The following BIRC6 variants were observed in gnomAD, a reference collection of about 807,000 sequenced individuals.
BIRC6 encodes the protein dual E2 ubiquitin-conjugating enzyme/E3 ubiquitin-protein ligase BIRC6.
BIRC6 carries 98 observed loss-of-function variants against 503.3 expected under a neutral mutation model. The ratio of observed to expected loss-of-function variants is 0.19; its 90% CI spans 0.17 to 0.23. BIRC6 has a LOEUF of 0.23. Among genes scored for constraint, BIRC6 ranks in the 10% least tolerant of loss-of-function variants. BIRC6 has a pLI of 1.00. For synonymous variants in BIRC6, 2,240 were observed against 2,078.7 expected (o/e 1.08, Z -2.11); for missense variants, 5,360 against 5,806.0 (o/e 0.92, Z 2.50).
At chr2:32,484,563 A>AG (rs1553459120) in intron 39 of BIRC6, among the ~76,000 whole-genome samples, 4 of 150,842 alleles carry the variant, frequency 2.7e-5, no homozygotes, top group African/African-American at 4.9e-5. Context: ...AAAAAAAAAA[A>AG]AAAGAAAGAA....
intron 10 of BIRC6, among the ~76,000 whole-genome samples, chr2:32,419,067 G>C (rs905163362): frequency 2.6e-5 from 4 of 152,220 alleles, no homozygotes; most frequent in Non-Finnish European, 5.9e-5. Flanking sequence ...GATGATGAAA[G>C]ATAAGAAAAA....
intron 66 of BIRC6, among the ~76,000 whole-genome samples, chr2:32,580,120 A>T (rs544362659): frequency 3.6e-4 from 54 of 151,932 alleles, no homozygotes; most frequent in South Asian, 6.3e-4. Context: ...CGCCCAGCTA[A>T]TTTTTGTATT....
At chr2:32,508,631 C>T (rs1288012475) in intron 51 of BIRC6, among the ~76,000 whole-genome samples, 6 of 152,038 alleles carry the variant, frequency 3.9e-5, no homozygotes, top group Non-Finnish European at 8.8e-5. Flanking sequence ...AAACAGCGAC[C>T]TAGTCTTATA....
At chr2:32,471,562 T>A (rs2049102042) in intron 32 of BIRC6, among the ~76,000 whole-genome samples, 1 of 152,206 alleles carries the variant, frequency 6.6e-6, no homozygotes, top group Admixed American at 6.5e-5. Context: ...TCTCAGATTT[T>A]GAGTTGTAAG....
intron 55 of BIRC6, among the ~76,000 whole-genome samples, chr2:32,517,245 G>C (rs1298760162): frequency 6.6e-6 from 1 of 152,104 alleles, no homozygotes; most frequent in Non-Finnish European, 1.5e-5. Context: ...GGAGGCTTGA[G>C]GTGGGAGGAT....
At chr2:32,445,127 A>G (rs889577348) in intron 20 of BIRC6, among the ~76,000 whole-genome samples, 4 of 152,242 alleles carry the variant, frequency 2.6e-5, no homozygotes, top group Non-Finnish European at 5.9e-5. Context: ...AAAGTTTAGT[A>G]CAGAGAAACA....
rs1192355161 is a variant in BIRC6 at position 32,478,566 on chromosome 2, A to G, written c.7069-69A>G. 11 of 1,370,530 alleles carry G rather than the reference A, an allele frequency of 8.0e-6. No individual in the cohort carries two copies. The East Asian group carries it at 2.6e-4, about 32-fold the overall frequency. The allele number at this position is 1,370,530 out of a possible 1,614,324, so 84.9% of individuals were successfully genotyped here. On this transcript the variant is annotated intron_variant, in intron 35 of 73. Coordinates refer to ENST00000421745, the MANE Select transcript of BIRC6 (RefSeq NM_016252.4). ...TTGTTCAGTGCTAAAGTATTGGTAG[A>G]CTTCTGTTAGTGTTTGAAAAAACAT... is the stretch of plus-strand genomic sequence containing the variant.
intron 61 of BIRC6, among the ~76,000 whole-genome samples, chr2:32,539,432 T>C (rs74358538): frequency 0.016 from 2,497 of 152,296 alleles, 49 homozygotes; most frequent in African/African-American, 0.058. Context: ...TGCTGGCCTA[T>C]ACAAAAAGTC....
At chr2:32,460,244 T>TTATATATATATATA (rs1558785783) in intron 23 of BIRC6, among the ~76,000 whole-genome samples, 1 of 83,594 alleles carries the variant, frequency 1.2e-5, no homozygotes, top group African/African-American at 4.7e-5. Context: ...ATCTCGTATA[T>TTATATATATATATA]GATATATATA....
rs181098516 is a variant in BIRC6, at chr2:32,509,143, C to T, written c.9981-595C>T. 9.9e-5 allele frequency among the ~76,000 whole-genome samples: 15 copies of T among 152,002 alleles called. No individual in the cohort carries two copies. The East Asian group carries it at 1.5e-3, about 16-fold the overall frequency. Reference sequence around the variant, plus strand: ...AGTTTTAGAAGTCTATGATAGTAATCAGTTTATCAGTATATATAATTGCAT... The same window carrying T: ...AGTTTTAGAAGTCTATGATAGTAATTAGTTTATCAGTATATATAATTGCAT... On this transcript the variant is annotated intron_variant, in intron 51 of 73. Transcript: ENST00000421745.
intron 10 of BIRC6, among the ~76,000 whole-genome samples, chr2:32,423,954 A>G (rs1246969324): frequency 6.6e-6 from 1 of 152,208 alleles, no homozygotes; most frequent in Non-Finnish European, 1.5e-5. Flanking sequence ...CTTGTGTTCA[A>G]GTAACCATTT....
rs774832851 is a variant in BIRC6, at chr2:32,502,888, A to G, written c.9301A>G (p.Met3101Val). Reference protein sequence around the residue: ...TSDALKAFHDMGGVQLICNNM... With the variant: ...TSDALKAFHDVGGVQLICNNM... ...TGATGCCTTGAAAGCATTTCATGAT[A>G]TGGGTAAGATAATATTTCAATAACT... The change falls in exon 48 of 74, where the codon ATG (methionine) becomes GTG (valine). Residue 3101 changes from methionine to valine, a missense_variant. Coordinates refer to ENST00000421745, the MANE Select transcript of BIRC6 (RefSeq NM_016252.4). 1 of 1,599,676 alleles carries G rather than the reference A, an allele frequency of 6.3e-7. No individual in the cohort carries two copies.
At chr2:32,603,486 G>T (rs1357067202) in intron 71 of BIRC6, among the ~76,000 whole-genome samples, 1 of 152,154 alleles carries the variant, frequency 6.6e-6, no homozygotes. Context: ...AGGCTGAGAT[G>T]GGTGGATCAT....
Position 32,392,025 on chromosome 2 carries a change from A to G in BIRC6, c.840-14A>G. The G allele has an allele frequency of 6.7e-7, 1 of 1,481,604 alleles. No homozygotes were observed. The highest frequency in any genetic ancestry group is 9.2e-7 in the Non-Finnish European group (1 of 1,086,502). 91.8% of individuals were successfully genotyped at this position (1,481,604 alleles called of 1,614,324 possible). A position where few individuals can be genotyped will look rare whatever the true frequency, so the allele number is the denominator to read the frequency against. ...ATGCCTAACTTCAATTACATAAAGTATGTTTACTTTTAGATCACTGATGTA... is the reference window on the plus strand; with the variant it reads ...ATGCCTAACTTCAATTACATAAAGTGTGTTTACTTTTAGATCACTGATGTA... On this transcript the variant is annotated splice_polypyrimidine_tract_variant and intron_variant, in intron 4 of 73. Coordinates refer to ENST00000421745, the MANE Select transcript of BIRC6 (RefSeq NM_016252.4).
chr2:32,469,501 T>A lies in BIRC6; in HGVS notation c.6234T>A (p.Thr2078=), dbSNP rs1420018316. 1 of 1,613,798 alleles carries A rather than the reference T, an allele frequency of 6.2e-7. No homozygotes were observed. The highest frequency in any genetic ancestry group is 1.7e-5 in the Admixed American group (1 of 60,000). ...ISGTPKIRLH[T]GLLLVQLCGG... ...GAACCCCAAAGATACGGTTACATACTGGTCTTCTTCTTGTTCAACTGTGTG... is the reference window on the plus strand; with the variant it reads ...GAACCCCAAAGATACGGTTACATACAGGTCTTCTTCTTGTTCAACTGTGTG... The change falls in exon 30 of 74, where the codon ACT becomes ACA. Residue 2078 remains threonine, a synonymous_variant. Coordinates refer to ENST00000421745, the MANE Select transcript of BIRC6 (RefSeq NM_016252.4).
intron 23 of BIRC6, among the ~76,000 whole-genome samples, chr2:32,460,085 ATGT>A (rs1170042535): frequency 1.4e-5 from 2 of 146,216 alleles, no homozygotes; most frequent in Admixed American, 6.9e-5. Context: ...GTCTTCCTAT[ATGT>A]TGTTGAATAG....
chr2:32,462,807 T>G (rs1406709978), intron 23 of BIRC6, among the ~76,000 whole-genome samples: 2 of 151,840 alleles, frequency 1.3e-5, no homozygotes, highest in Non-Finnish European at 1.5e-5. Flanking sequence ...CATACAAAAA[T>G]TAGCCAGGCA....
At chr2:32,535,935 G>T (rs2057196589) in intron 61 of BIRC6, among the ~76,000 whole-genome samples, 1 of 152,166 alleles carries the variant, frequency 6.6e-6, no homozygotes, top group Admixed American at 6.5e-5. Context: ...GTGTAAAAGT[G>T]TTCCTATTTC....
intron 5 of BIRC6, 102 bp from the exon 6 acceptor site, chr2:32,395,409 A>T: frequency 1.1e-6 from 1 of 900,022 alleles, no homozygotes; most frequent in Non-Finnish European, 1.7e-6. Flanking sequence ...TTTTCAGTAT[A>T]GAATTTTACT....
Sources: allele counts gnomAD v4.1 joint callset (sites outside exome capture counted in the v4.1 genomes callset), GRCh38; gene constraint gnomAD v4.1.1; transcripts MANE v1.5; gene names NCBI Gene and HGNC (gene_info 2026-07-23, HGNC 2026-07-21).